The following CKAP5 variants were observed in gnomAD, a reference collection of about 807,000 sequenced individuals.
CKAP5 encodes cytoskeleton associated protein 5.
CKAP5 carries 27 observed loss-of-function variants against 232.8 expected under a neutral mutation model. That is an observed-to-expected ratio of 0.12 (90% CI 0.09 to 0.16). CKAP5 has a LOEUF of 0.16. Among genes scored for constraint, CKAP5 ranks in the 10% least tolerant of loss-of-function variants. The probability of loss-of-function intolerance (pLI) is 1.00; values close to 1 mark genes in which losing one functional copy is unlikely to be tolerated. For synonymous variants in CKAP5, 785 were observed against 841.1 expected (o/e 0.93, Z 1.16); for missense variants, 1,838 against 2,424.7 (o/e 0.76, Z 5.08).
rs563264292 is a variant in CKAP5 at position 46,784,746 on chromosome 11, T to C, written c.1969-73A>G. On this transcript the variant is annotated intron_variant, in intron 16 of 43. Coordinates refer to ENST00000529230, the MANE Select transcript of CKAP5 (RefSeq NM_001008938.4). ...TATTTATTTACTTGTATTAACAGCATGTAACAGATATGACATGGTTAGGGA... is the reference window on the plus strand; with the variant it reads ...TATTTATTTACTTGTATTAACAGCACGTAACAGATATGACATGGTTAGGGA... The C allele has an allele frequency of 1.2e-4, 136 of 1,111,714 alleles. No homozygotes were observed. The African/African-American group carries it at 1.9e-3, about 15-fold the overall frequency. 68.9% of individuals were successfully genotyped at this position (1,111,714 alleles called of 1,614,324 possible).
At position 46,752,657 on chromosome 11, in the gene CKAP5, T is replaced by A; in HGVS notation, c.5111A>T (p.Lys1704Ile). ...CACCTTCATAACAAGCTCTGAGAATTTGGGAGAACTGGCTGTTGCTAGCAG... is the reference window on the plus strand; with the variant it reads ...CACCTTCATAACAAGCTCTGAGAATATGGGAGAACTGGCTGTTGCTAGCAG... ...DSLLATASSP[K>I]FSELVMKCLW... The change falls in exon 38 of 44, where the codon AAA (lysine) becomes ATA (isoleucine). Residue 1704 changes from lysine (K) to isoleucine (I), a missense_variant. This residue lies in a region of CKAP5 where 579 missense variants were observed against 843.2 expected (regional missense o/e 0.69). Transcript: ENST00000529230. 1 of 1,613,192 alleles carries A rather than the reference T, an allele frequency of 6.2e-7. No homozygotes were observed. The highest frequency in any genetic ancestry group is 1.3e-5 in the African/African-American group (1 of 75,004).
Position 46,818,291 on chromosome 11 carries a change from T to A in CKAP5, c.251+19A>T, listed in dbSNP as rs765646635. On this transcript the variant is annotated intron_variant, in intron 3 of 43. Coordinates refer to ENST00000529230, the MANE Select transcript of CKAP5 (RefSeq NM_001008938.4). Reference sequence around the variant, plus strand: ...CAAACAGGGGTTTTTATCAGTAAAGTTGGAAAGAAAGTACTTACTTTCCTG... The same window carrying A: ...CAAACAGGGGTTTTTATCAGTAAAGATGGAAAGAAAGTACTTACTTTCCTG... 3.2e-6 allele frequency: 5 copies of A among 1,555,646 alleles called. No homozygotes were observed. The Admixed American group carries it at 1.0e-4, about 31-fold the overall frequency.
chr11:46,811,290 A>G (rs925764135), intron 4 of CKAP5, 112 bp from the exon 5 acceptor site: 1 of 867,448 alleles, frequency 1.2e-6, no homozygotes. Flanking sequence ...AGAATTATAT[A>G]AGTTCAGTTT....
chr11:46,779,783 C>A (rs1321718306), intron 20 of CKAP5, among the ~76,000 whole-genome samples: 2 of 151,612 alleles, frequency 1.3e-5, no homozygotes, highest in Non-Finnish European at 1.5e-5. Flanking sequence ...CTATGCCTGG[C>A]TAATTTTTTG....
chr11:46,800,127 C>A (rs1938993440), intron 9 of CKAP5, among the ~76,000 whole-genome samples: 1 of 151,880 alleles, frequency 6.6e-6, no homozygotes, highest in African/African-American at 2.4e-5. Context: ...TAAAATTGAT[C>A]AAAATGGCAT....
intron 3 of CKAP5, 97 bp from the exon 4 acceptor site, chr11:46,816,501 G>T (rs781270352): frequency 6.1e-6 from 5 of 821,252 alleles, no homozygotes; most frequent in Non-Finnish European, 8.0e-6. Context: ...ACAAATGCTA[G>T]AAATACAGTA....
chr11:46,840,183 A>G (rs966079217), intron 1 of CKAP5, among the ~76,000 whole-genome samples: 2 of 152,294 alleles, frequency 1.3e-5, no homozygotes, highest in South Asian at 4.1e-4. Flanking sequence ...GGCATTCAAT[A>G]CATGTTAGCT....
rs1258874791 is a variant in CKAP5 at position 46,778,289 on chromosome 11, T to A, written c.2598A>T (p.Val866=). 2 of 1,613,636 alleles carry A rather than the reference T, an allele frequency of 1.2e-6. No individual in the cohort carries two copies. Among genetic ancestry groups the A allele is most frequent in the African/African-American group, 1.3e-5 (1 of 74,908 alleles). The part of the protein sequence containing the change: ...EISDKITSEL[V]SKIGDKNWKI... ...TCCAATTCTTATCACCAATCTTAGA[T>A]ACCAACTCTGAAGTGATTTTATCAC... Residue 866 remains valine, a synonymous_variant, in exon 22 of 44, where the codon GTA becomes GTT. Transcript: ENST00000529230.
chr11:46,802,553 G>GACACACACACACACAC (rs372896887), intron 8 of CKAP5, among the ~76,000 whole-genome samples: 5 of 142,460 alleles, frequency 3.5e-5, no homozygotes, highest in Admixed American at 1.4e-4. Context: ...CAGACAGACA[G>GACACACACACACACAC]ACAGACACAC....
chr11:46,781,505 T>C (rs2065341756), intron 18 of CKAP5, among the ~76,000 whole-genome samples: 1 of 152,176 alleles, frequency 6.6e-6, no homozygotes, highest in African/African-American at 2.4e-5. Context: ...ATTCTTTCTC[T>C]AGCTTTATCT....
At chr11:46,793,083 T>C (rs988815556) in intron 13 of CKAP5, among the ~76,000 whole-genome samples, 1 of 152,150 alleles carries the variant, frequency 6.6e-6, no homozygotes, top group South Asian at 2.1e-4. Context: ...CTCTATCCTT[T>C]AAAAGCTTAC....
chr11:46,766,264 C>T (rs974608628), intron 27 of CKAP5, among the ~76,000 whole-genome samples: 14 of 152,142 alleles, frequency 9.2e-5, no homozygotes, highest in Admixed American at 6.5e-4. Flanking sequence ...GAAACTGCTT[C>T]GTAAGTTTAA....
At chr11:46,756,376 A>T (rs895309143) in intron 35 of CKAP5, among the ~76,000 whole-genome samples, 5 of 152,210 alleles carry the variant, frequency 3.3e-5, no homozygotes, top group Non-Finnish European at 4.4e-5. Context: ...TAATACAAAC[A>T]AAAAACCTGC....
At chr11:46,808,203 A>G in intron 7 of CKAP5, 59 bp from the exon 8 acceptor site, 2 of 1,093,726 alleles carry the variant, frequency 1.8e-6, no homozygotes, top group Non-Finnish European at 2.7e-6. Flanking sequence ...ATAAAAGTCT[A>G]TTTATTGCAC....
chr11:46,826,325 C>G (rs924509256), intron 1 of CKAP5, among the ~76,000 whole-genome samples: 1 of 152,180 alleles, frequency 6.6e-6, no homozygotes, highest in Non-Finnish European at 1.5e-5. Context: ...TGAATTAGGA[C>G]AACTTGGAGT....
chr11:46,797,811 T>G lies in CKAP5; in HGVS notation c.1332A>C (p.Leu444=), dbSNP rs774674204. 47 of 1,606,736 alleles carry G rather than the reference T, an allele frequency of 2.9e-5. No individual in the cohort carries two copies. Among genetic ancestry groups the G allele is most frequent in the Middle Eastern group, 3.3e-4 (2 of 6,028 alleles). The change falls in exon 11 of 44, where the codon CTA becomes CTC. Residue 444 remains leucine, a synonymous_variant. Transcript: ENST00000529230. ...KSLLKPFCAA[L]LKHINDSAPE... ...CTTCAAAGAGAGTCTGTACCTTAAG[T>G]AGTGCAGCACAAAAGGGCTTTAGCA...
At chr11:46,842,283 TTTCACTTTG>T (rs1940073208) in intron 1 of CKAP5, among the ~76,000 whole-genome samples, 1 of 152,232 alleles carries the variant, frequency 6.6e-6, no homozygotes, top group African/African-American at 2.4e-5. Flanking sequence ...GAAGGAATTG[TTTCACTTTG>T]TACATTAGTA....
At position 46,780,458 on chromosome 11, in the gene CKAP5, A is replaced by G. The variant is rs777507629; in HGVS notation, c.2277T>C (p.Asn759=). Residue 759 remains asparagine (N), a synonymous_variant, in exon 19 of 44, where the codon AAT becomes AAC. Coordinates refer to ENST00000529230, the MANE Select transcript of CKAP5 (RefSeq NM_001008938.4). Reference sequence around the variant, plus strand: ...TTGTTGCAGCAAGAGCTGTCTTCACATTGCTAATGAAAGCTTTGACATTCA... The same window carrying G: ...TTGTTGCAGCAAGAGCTGTCTTCACGTTGCTAATGAAAGCTTTGACATTCA... ...SGLNVKAFIS[N]VKTALAATNP... 1.9e-6 allele frequency: 3 copies of G among 1,613,926 alleles called. No homozygotes were observed. The East Asian group carries it at 6.7e-5, about 36-fold the overall frequency.
chr11:46,836,334 A>G (rs1388241838), intron 1 of CKAP5, among the ~76,000 whole-genome samples: 3 of 152,264 alleles, frequency 2.0e-5, no homozygotes. Flanking sequence ...TCCAAAATAA[A>G]GTTAATTTTT....
Sources: gnomAD v4.1 joint callset for allele counts (sites outside exome capture counted in the v4.1 genomes callset) on GRCh38, gnomAD v4.1.1 for gene constraint, gnomAD v4.1.1 regional missense constraint, MANE v1.5 for transcripts, NCBI Gene and HGNC (gene_info 2026-07-23, HGNC 2026-07-21) for gene names.